Variants in RAB38 observed in about 807,000 individuals in gnomAD.
RAB38 encodes RAB38, member RAS oncogene family.
In RAB38, 15 loss-of-function variants were observed where a neutral mutation model predicts 18.4. The ratio of observed to expected loss-of-function variants is 0.82; its 90% CI spans 0.55 to 1.26. RAB38 has a LOEUF of 1.26. Among genes scored for constraint, RAB38 ranks in the 50% most tolerant of loss-of-function variants. The pLI is 0.00. For synonymous variants in RAB38, 101 were observed against 104.4 expected, an observed-to-expected ratio of 0.97 and a Z score of 0.20; for missense variants, 294 against 267.4, an observed-to-expected ratio of 1.10 and a Z score of -0.69.
chr11:87,935,063 C>T, the RAB38 span, among the ~76,000 whole-genome samples: 1 of 152,046 alleles, frequency 6.6e-6, no homozygotes, highest in East Asian at 1.9e-4. Context: ...GGTCTCTCCT[C>T]CCTTCTTCTT....
At chr11:88,007,244 A>G in the RAB38 span, among the ~76,000 whole-genome samples, 1 of 151,944 alleles carries the variant, frequency 6.6e-6, no homozygotes, top group East Asian at 1.9e-4. Flanking sequence ...GGGTGCAAAG[A>G]TTTCTTAGTA....
At chr11:87,946,305 T>C in the RAB38 span, among the ~76,000 whole-genome samples, 1 of 152,280 alleles carries the variant, frequency 6.6e-6, no homozygotes, top group East Asian at 1.9e-4. Flanking sequence ...ATGGGCTAGC[T>C]TTAGGTCTTC....
Position 88,169,734 on chromosome 11 carries a change from A to G in RAB38, c.202+5449T>C, listed in dbSNP as rs185697583. Among the ~76,000 whole-genome samples the G allele has an allele frequency of 1.4e-4, 22 of 152,300 alleles. No individual in the cohort carries two copies. The East Asian group carries it at 3.9e-3, about 27-fold the overall frequency. On this transcript the variant is annotated intron_variant, in intron 1 of 2. Transcript: ENST00000243662. ...TCACACTAGCCTTGAGGTTTTGTCA[A>G]CTTCCTCAGATTTAGTCTCAGAGAG...
the RAB38 span, among the ~76,000 whole-genome samples, chr11:87,943,701 T>G: frequency 2.0e-5 from 3 of 152,086 alleles, no homozygotes; most frequent in Non-Finnish European, 4.4e-5. Context: ...TAGAGAGGTC[T>G]TAAAGATGGA....
chr11:87,873,473 A>T, the RAB38 span, among the ~76,000 whole-genome samples: 1 of 151,556 alleles, frequency 6.6e-6, no homozygotes, highest in Non-Finnish European at 1.5e-5. Flanking sequence ...CAACTTATCA[A>T]TTATTTCATT....
chr11:88,043,093 C>G, the RAB38 span, among the ~76,000 whole-genome samples: 1 of 152,118 alleles, frequency 6.6e-6, no homozygotes, highest in African/African-American at 2.4e-5. Flanking sequence ...ATGAGACACA[C>G]TGACTCTCTA....
At chr11:87,916,334 A>G in the RAB38 span, among the ~76,000 whole-genome samples, 1 of 152,066 alleles carries the variant, frequency 6.6e-6, no homozygotes, top group African/African-American at 2.4e-5. Flanking sequence ...AGGTATTTGA[A>G]TCATGGGGGC....
the RAB38 span, chr11:88,098,506 G>A: frequency 6.6e-6 from 1 of 151,962 alleles, no homozygotes; most frequent in South Asian, 2.1e-4. Context: ...CTGTATCTTA[G>A]CTAGTTGCAT....
the RAB38 span, among the ~76,000 whole-genome samples, chr11:87,927,699 C>A: frequency 2.6e-5 from 4 of 151,950 alleles, no homozygotes; most frequent in African/African-American, 9.7e-5. Context: ...TTCTGCCTCT[C>A]ACTTGTTGTC....
At chr11:87,968,698 T>C in the RAB38 span, among the ~76,000 whole-genome samples, 1 of 152,198 alleles carries the variant, frequency 6.6e-6, no homozygotes, top group African/African-American at 2.4e-5. Flanking sequence ...CAAAGCAGTG[T>C]GCTCAGTTAT....
chr11:88,086,378 A>C, the RAB38 span, among the ~76,000 whole-genome samples: 2 of 151,900 alleles, frequency 1.3e-5, no homozygotes, highest in East Asian at 3.9e-4. Flanking sequence ...TGTTGTAACC[A>C]CATATTCTCC....
At chr11:87,946,860 T>C in the RAB38 span, among the ~76,000 whole-genome samples, 2 of 152,202 alleles carry the variant, frequency 1.3e-5, no homozygotes, top group South Asian at 2.1e-4. Context: ...TATGTGTGCA[T>C]GTGTCTTTAT....
the RAB38 span, among the ~76,000 whole-genome samples, chr11:87,950,527 T>C: frequency 6.6e-6 from 1 of 152,220 alleles, no homozygotes; most frequent in Non-Finnish European, 1.5e-5. Flanking sequence ...CTGGTACCAG[T>C]CGTTCCTTTC....
intron 2 of RAB38, among the ~76,000 whole-genome samples, chr11:88,118,523 CAG>C (rs1942587856): frequency 6.6e-6 from 1 of 152,178 alleles, no homozygotes; most frequent in African/African-American, 2.4e-5. Flanking sequence ...TGTATAGAAA[CAG>C]AGTTGCCAGA....
chr11:88,003,689 T>A, the RAB38 span, among the ~76,000 whole-genome samples: 160 of 300 alleles, frequency 0.53, 61 homozygotes, highest in African/African-American at 0.7. Flanking sequence ...ATTATATATA[T>A]TATATATAAT....
At chr11:88,094,626 C>G in the RAB38 span, among the ~76,000 whole-genome samples, 33 of 151,974 alleles carry the variant, frequency 2.2e-4, no homozygotes, top group African/African-American at 7.0e-4. Context: ...TCCCTTACCC[C>G]TCTTTCCCTC....
the RAB38 span, among the ~76,000 whole-genome samples, chr11:87,922,918 G>GA: frequency 1.3e-5 from 2 of 149,338 alleles, no homozygotes; most frequent in East Asian, 3.9e-4. Context: ...AGGGAGGGAG[G>GA]AAAAAAGAAA....
chr11:88,028,427 C>T, the RAB38 span, among the ~76,000 whole-genome samples: 1 of 152,168 alleles, frequency 6.6e-6, no homozygotes, highest in Non-Finnish European at 1.5e-5. Flanking sequence ...GATCAAACTA[C>T]TCCGAGCTAC....
At chr11:87,943,039 G>C in the RAB38 span, among the ~76,000 whole-genome samples, 1 of 152,062 alleles carries the variant, frequency 6.6e-6, no homozygotes, top group Non-Finnish European at 1.5e-5. Context: ...TAAGCCAAAA[G>C]AAAGTCGTAA....
Sources: gnomAD v4.1 joint callset for allele counts (sites outside exome capture counted in the v4.1 genomes callset) on GRCh38, gnomAD v4.1.1 for gene constraint, MANE v1.5 for transcripts, NCBI Gene and HGNC (gene_info 2026-07-23, HGNC 2026-07-21) for gene names.